Variants in TBL1Y observed in about 807,000 individuals in gnomAD.
The protein encoded by TBL1Y is F-box-like/WD repeat-containing protein TBL1Y.
TBL1Y carries 15 observed loss-of-function variants against 12.0 expected under a neutral mutation model. That is an observed-to-expected ratio of 1.25 (90% CI 0.83 to 1.92). TBL1Y has a LOEUF of 1.92. Among genes scored for constraint, TBL1Y ranks in the 40% most tolerant of loss-of-function variants. TBL1Y has a pLI of 0.00. For missense variants in TBL1Y, 148 were observed against 116.7 expected, an observed-to-expected ratio of 1.27 and a Z score of -1.24; for synonymous variants, 53 against 42.6, an observed-to-expected ratio of 1.24 and a Z score of -0.95.
intron 3 of TBL1Y, among the ~76,000 whole-genome samples, chrY:6,982,993 C>T: frequency 6.0e-5 from 2 of 33,162 alleles, no homozygotes; most frequent in Admixed American, 2.8e-4. Flanking sequence ...TGCCCACCAC[C>T]CCCTGTTGGT....
In TBL1Y at chrY:7,062,879, C is replaced by G. The variant is rs1603046357; in HGVS notation, c.205-1018C>G. ...CCGACCAAGGGGTACTTCACTGAAC[C>G]CCCTGCGGCTTTCTCATCGTGGTCC... On this transcript the variant is annotated intron_variant, in intron 7 of 18. Transcript: ENST00000383032. 8.9e-5 allele frequency among the ~76,000 whole-genome samples: 3 copies of G among 33,870 alleles called. No homozygotes were observed. In the South Asian group the frequency reaches 2.0e-3, roughly 23 times the overall value. 90.9% of individuals were successfully genotyped at this position (33,870 alleles called of 37,273 possible).
intron 2 of TBL1Y, among the ~76,000 whole-genome samples, chrY:6,960,438 C>G: frequency 8.9e-5 from 3 of 33,707 alleles, no homozygotes; most frequent in Admixed American, 5.4e-4. Context: ...TACGAGGCCA[C>G]AGTGAGCTTC....
chrY:6,959,731 T>C, intron 2 of TBL1Y, among the ~76,000 whole-genome samples: 1 of 33,883 alleles, frequency 3.0e-5, no homozygotes, highest in Admixed American at 2.7e-4. Context: ...CTCTTCCTTG[T>C]AGATGGCATC....
At chrY:7,070,628 C>A in intron 9 of TBL1Y, 92 bp from the exon 10 acceptor site, 2 of 351,807 alleles carry the variant, frequency 5.7e-6, no homozygotes, top group Non-Finnish European at 8.2e-6. Flanking sequence ...GAGCACATGC[C>A]TACAATGTCA....
chrY:7,002,281 C>T, intron 4 of TBL1Y, among the ~76,000 whole-genome samples: 1 of 34,105 alleles, frequency 2.9e-5, no homozygotes, highest in Non-Finnish European at 7.3e-5. Flanking sequence ...GTAACACATC[C>T]TGTGATAGAG....
At chrY:7,032,009 G>A (rs2012659300) in intron 6 of TBL1Y, among the ~76,000 whole-genome samples, 2 of 33,168 alleles carry the variant, frequency 6.0e-5, no homozygotes, top group African/African-American at 1.2e-4. Flanking sequence ...ATTTGGTGGC[G>A]AAGGTTGCAC....
At chrY:7,067,081 G>A (rs2012991523) in intron 8 of TBL1Y, among the ~76,000 whole-genome samples, 36 of 33,392 alleles carry the variant, frequency 1.1e-3, no homozygotes, top group Admixed American at 9.9e-3. Flanking sequence ...CATCATAAAT[G>A]AACCTACCCA....
At chrY:7,050,828 T>TACACACACAC (rs1404234228) in intron 7 of TBL1Y, among the ~76,000 whole-genome samples, 1 of 18,047 alleles carries the variant, frequency 5.5e-5, no homozygotes, top group East Asian at 1.7e-3. Flanking sequence ...ACATCATGGA[T>TACACACACAC]ACACACACAC....
intron 14 of TBL1Y, among the ~76,000 whole-genome samples, chrY:7,085,539 G>A: frequency 6.1e-5 from 2 of 32,682 alleles, no homozygotes; most frequent in Non-Finnish European, 1.5e-4. Flanking sequence ...GGAAGAGTGC[G>A]TACGAAAGTA....
intron 2 of TBL1Y, among the ~76,000 whole-genome samples, chrY:6,959,656 C>G (rs2012109532): frequency 3.0e-5 from 1 of 33,730 alleles, no homozygotes; most frequent in Non-Finnish European, 7.4e-5. Context: ...CCAGATTTAA[C>G]TGGGCTTTTG....
intron 2 of TBL1Y, among the ~76,000 whole-genome samples, chrY:6,975,714 T>A (rs1603032465): frequency 6.0e-5 from 2 of 33,417 alleles, no homozygotes; most frequent in East Asian, 1.6e-3. Context: ...AATTTAACAT[T>A]CAGAACTGAA....
chrY:7,001,544 G>A (rs2012451310), intron 4 of TBL1Y, among the ~76,000 whole-genome samples: 2 of 32,305 alleles, frequency 6.2e-5, no homozygotes, highest in East Asian at 8.3e-4. Flanking sequence ...GCGTGAACCC[G>A]GGAGGCGGAG....
rs765279648 is a variant in TBL1Y, at chrY:7,063,942, A to G, written c.250A>G (p.Ile84Val). Residue 84 changes from isoleucine to valine, a missense_variant, in exon 8 of 19, where the codon ATA becomes GTA. Transcript: ENST00000383032. ...DSRPIESLSL[I>V]VAVIPDVVQM... ...CCGCCCTATAGAGTCCCTGTCCCTG[A>G]TAGTTGCTGTGATTCCTGATGTGGT... 5.0e-6 allele frequency: 2 copies of G among 398,017 alleles called. No homozygotes were observed. Among genetic ancestry groups the G allele is most frequent in the South Asian group, 3.0e-5 (1 of 33,418 alleles).
intron 2 of TBL1Y, among the ~76,000 whole-genome samples, chrY:6,954,053 G>T: frequency 8.9e-5 from 3 of 33,703 alleles, no homozygotes; most frequent in Admixed American, 8.0e-4. Flanking sequence ...CCTCTCAGAG[G>T]GGTACCCGGC....
intron 14 of TBL1Y, among the ~76,000 whole-genome samples, chrY:7,081,970 A>G (rs1013114130): frequency 1.2e-4 from 4 of 33,064 alleles, no homozygotes; most frequent in Admixed American, 2.8e-4. Context: ...GAAATTTGCC[A>G]GTTTGAAGAA....
intron 7 of TBL1Y, among the ~76,000 whole-genome samples, chrY:7,053,618 C>A (rs2012810247): frequency 5.9e-5 from 2 of 33,813 alleles, no homozygotes; most frequent in African/African-American, 1.2e-4. Flanking sequence ...AGAAAAGAAG[C>A]TTTAAGTTAC....
intron 13 of TBL1Y, among the ~76,000 whole-genome samples, chrY:7,077,924 C>A (rs2013071344): frequency 3.0e-5 from 1 of 33,681 alleles, no homozygotes; most frequent in Admixed American, 2.7e-4. Context: ...AATCTCAGCA[C>A]TTTAGGACAT....
At chrY:6,941,278 TG>T (rs2011950554) in intron 2 of TBL1Y, among the ~76,000 whole-genome samples, 1 of 33,239 alleles carries the variant, frequency 3.0e-5, no homozygotes, top group Non-Finnish European at 7.4e-5. Context: ...CCCAGCACTT[TG>T]GGAGGCACAG....
At chrY:6,999,383 T>C in intron 4 of TBL1Y, among the ~76,000 whole-genome samples, 1 of 33,032 alleles carries the variant, frequency 3.0e-5, no homozygotes. Context: ...GGCACTTCTG[T>C]TACCTGGAAA....
Sources: gnomAD v4.1 joint callset for allele counts (sites outside exome capture counted in the v4.1 genomes callset) on GRCh38, gnomAD v4.1.1 for gene constraint, MANE v1.5 for transcripts, NCBI Gene and HGNC (gene_info 2026-07-23, HGNC 2026-07-21) for gene names.